The following TENM2 variants were observed in gnomAD, a reference collection of about 807,000 sequenced individuals.
TENM2 encodes teneurin-2.
TENM2 carries 52 observed loss-of-function variants against 245.2 expected under a neutral mutation model. That is an observed-to-expected ratio of 0.21 (90% CI 0.17 to 0.27). TENM2 has a LOEUF of 0.27. Among genes scored for constraint, TENM2 ranks in the 10% least tolerant of loss-of-function variants. The pLI is 1.00. For missense variants in TENM2, 3,046 were observed against 3,666.8 expected (o/e 0.83, Z 4.37); for synonymous variants, 1,363 against 1,438.9 (o/e 0.95, Z 1.19).
intron 2 of TENM2, among the ~76,000 whole-genome samples, chr5:167,748,997 T>G (rs1475480145): frequency 6.6e-6 from 1 of 152,122 alleles, no homozygotes; most frequent in Non-Finnish European, 1.5e-5. Flanking sequence ...TTCTCTCCCC[T>G]CAGCCTCCCA....
chr5:167,258,498 G>C, the TENM2 span, among the ~76,000 whole-genome samples: 1 of 151,944 alleles, frequency 6.6e-6, no homozygotes, highest in Non-Finnish European at 1.5e-5. Context: ...TCCCCTCTCT[G>C]TAGATCTGTG....
intron 2 of TENM2, among the ~76,000 whole-genome samples, chr5:167,647,951 C>T (rs2150276598): frequency 6.6e-6 from 1 of 152,260 alleles, no homozygotes; most frequent in East Asian, 1.9e-4. Flanking sequence ...TCAAAGAGTG[C>T]CTGGGGCACA....
At position 167,855,834 on chromosome 5, in the gene TENM2, A is replaced by AGG. The variant is rs1554132036; in HGVS notation, c.503-20151_503-20150insGG. The stretch of plus-strand genomic sequence containing the variant: ...GGGAAGAAGGAAGGAAGGGAGGGAG[A>AGG]GAGGGAGGGAGGGAAGGAATGAGGG... On this transcript the variant is annotated intron_variant, in intron 2 of 28. Coordinates refer to ENST00000518659, the Ensembl canonical transcript of TENM2. Among the ~76,000 whole-genome samples, 78 of 69,178 alleles carry AGG rather than the reference A, an allele frequency of 1.1e-3. 1 individual carries two copies. Among genetic ancestry groups the AGG allele is most frequent in the South Asian group, 3.7e-3 (4 of 1,074 alleles). 45.4% of individuals were successfully genotyped at this position (69,178 alleles called of 152,430 possible). A position where few individuals can be genotyped will look rare whatever the true frequency, so the allele number is the denominator to read the frequency against.
Position 168,134,759 on chromosome 5 carries a change from C to A in TENM2, c.2422+7793C>A, listed in dbSNP as rs116703869. On this transcript the variant is annotated intron_variant, in intron 12 of 28. Transcript: ENST00000518659. Reference sequence around the variant, plus strand: ...CCCTTTCACAAATTTGCTTCCAATCCCTCAAGAAGTTAGTAGCATGTCAAA... The same window carrying A: ...CCCTTTCACAAATTTGCTTCCAATCACTCAAGAAGTTAGTAGCATGTCAAA... 8.2e-3 allele frequency among the ~76,000 whole-genome samples: 1,250 copies of A among 152,304 alleles called. 16 individuals carry two copies. The highest frequency in any genetic ancestry group is 0.028 in the African/African-American group (1,170 of 41,572).
chr5:168,137,107 C>G (rs1755119420), intron 12 of TENM2, among the ~76,000 whole-genome samples: 1 of 152,128 alleles, frequency 6.6e-6, no homozygotes, highest in Admixed American at 6.5e-5. Flanking sequence ...CTGCCAGTTC[C>G]CAGAGAAAGA....
At chr5:167,383,728 TAAAAAA>T (rs10549785) in intron 2 of TENM2, among the ~76,000 whole-genome samples, 1 of 110,416 alleles carries the variant, frequency 9.1e-6, no homozygotes, top group African/African-American at 3.1e-5. Context: ...TGGTGCAGGA[TAAAAAA>T]AAAAAAAAAA....
intron 4 of TENM2, among the ~76,000 whole-genome samples, chr5:167,959,812 G>A (rs189309197): frequency 8.5e-5 from 13 of 152,196 alleles, no homozygotes; most frequent in African/African-American, 2.6e-4. Context: ...GCCTTTTTGC[G>A]CTATTTTTTC....
In TENM2 at chr5:168,207,188, C is replaced by T. The variant is rs1198289309; in HGVS notation, c.3824+2567C>T. Among the ~76,000 whole-genome samples, 3 of 152,194 alleles carry T rather than the reference C, an allele frequency of 2.0e-5. No homozygotes were observed. The East Asian group carries it at 5.8e-4, about 29-fold the overall frequency. ...GGCCTAAGCATGTGAACTTCTGCAG[C>T]AGACCCCTTGGTCATCTTTGTCCTT... On this transcript the variant is annotated intron_variant, in intron 19 of 28. Transcript: ENST00000518659.
chr5:167,413,672 T>C (rs78309091), intron 2 of TENM2, among the ~76,000 whole-genome samples: 2,045 of 152,184 alleles, frequency 0.013, 112 homozygotes, highest in Admixed American at 0.1. Flanking sequence ...GCTTTACGTA[T>C]AGAACCAGTA....
chr5:168,221,338 A>G (rs1581672686), intron 23 of TENM2, among the ~76,000 whole-genome samples: 1 of 152,246 alleles, frequency 6.6e-6, no homozygotes, highest in South Asian at 2.1e-4. Flanking sequence ...GATTATCCCC[A>G]TTTTATTGAT....
Position 168,247,785 on chromosome 5 carries a change from C to T in TENM2, c.6846C>T (p.Ser2282=). 6.2e-7 allele frequency: 1 copy of T among 1,613,982 alleles called. No individual in the cohort carries two copies. Among genetic ancestry groups the T allele is most frequent in the Non-Finnish European group, 8.5e-7 (1 of 1,179,882 alleles). ...GGTCTGACATCTTCGAATACAATTC[C>T]AAGGGCCTCCTAACAAGAGCCTACA... Residue 2282 remains serine, a synonymous_variant, in exon 27 of 29, where the codon TCC becomes TCT. Transcript: ENST00000518659. The surrounding 1 kb of genome is among the most constrained non-coding windows in gnomAD (Gnocchi z 7.8).
chr5:168,127,052 C>T (rs1477491775), intron 12 of TENM2, 86 bp downstream of exon 14: 1 of 1,152,980 alleles, frequency 8.7e-7, no homozygotes, highest in African/African-American at 1.5e-5. Context: ...GACACAAGTG[C>T]TCTCCCACAT....
intron 2 of TENM2, among the ~76,000 whole-genome samples, chr5:167,468,970 C>G (rs1351193420): frequency 6.6e-6 from 1 of 152,160 alleles, no homozygotes; most frequent in Non-Finnish European, 1.5e-5. Flanking sequence ...GTAAACATCT[C>G]TGTCTTCCTG....
chr5:167,779,151 G>A (rs1290579901), intron 2 of TENM2, among the ~76,000 whole-genome samples: 1 of 152,242 alleles, frequency 6.6e-6, no homozygotes, highest in African/African-American at 2.4e-5. Context: ...CGGGCCAGCA[G>A]TGGTGAGCGG....
intron 4 of TENM2, 120 bp from the exon 7 acceptor site, chr5:167,992,824 G>A: frequency 2.8e-6 from 2 of 710,554 alleles, no homozygotes; most frequent in Non-Finnish European, 4.8e-6. Flanking sequence ...TTCCACTCCA[G>A]GGTAAGCTTA....
At chr5:168,007,320 G>A (rs1449347462) in intron 5 of TENM2, among the ~76,000 whole-genome samples, 2 of 152,090 alleles carry the variant, frequency 1.3e-5, no homozygotes, top group African/African-American at 2.4e-5. Context: ...GTAGAGACGT[G>A]GTTTCACCAT....
In TENM2 at chr5:168,247,709, T is replaced by G. The variant is rs1377363012; in HGVS notation, c.6770T>G (p.Leu2257Arg). The G allele has an allele frequency of 3.7e-6, 6 of 1,613,796 alleles. No individual in the cohort carries two copies. Among genetic ancestry groups the G allele is most frequent in the Non-Finnish European group, 5.1e-6 (6 of 1,179,888 alleles). The change falls in exon 27 of 29, where the codon CTC (leucine) becomes CGC (arginine). Residue 2257 changes from leucine (L) to arginine (R), a missense_variant. By Grantham distance (102) the Leu-to-Arg change is moderately radical (BLOSUM62 -2). Coordinates refer to ENST00000518659, the Ensembl canonical transcript of TENM2. The surrounding 1 kb of genome is among the most constrained non-coding windows in gnomAD (Gnocchi z 7.8). ...GACCTCCGGGATCGGATAACCAGAC[T>G]CGGGGATGTGCAGTACAAAATTGAC... is the stretch of plus-strand genomic sequence containing the variant.
the TENM2 span, among the ~76,000 whole-genome samples, chr5:167,268,777 T>G: frequency 1.3e-5 from 2 of 152,082 alleles, no homozygotes; most frequent in Non-Finnish European, 2.9e-5. Context: ...CCTTATGATG[T>G]GCAAAAAGTT....
intron 2 of TENM2, among the ~76,000 whole-genome samples, chr5:167,774,218 A>AAGGGAGGGAGGG (rs1554115199): frequency 4.3e-5 from 5 of 115,434 alleles, no homozygotes; most frequent in Non-Finnish European, 8.6e-5. Flanking sequence ...GGGAGGGAGG[A>AAGGGAGGGAGGG]AGGAAGGAAG....
Sources: allele counts gnomAD v4.1 joint callset (sites outside exome capture counted in the v4.1 genomes callset), GRCh38; gene constraint gnomAD v4.1.1; non-coding constraint Gnocchi (gnomAD v3.1); transcripts MANE v1.5; gene names NCBI Gene and HGNC (gene_info 2026-07-23, HGNC 2026-07-21).